Variants in MPDZ observed in about 807,000 individuals in gnomAD.
MPDZ encodes multiple PDZ domain crumbs cell polarity complex component, also known as multiple PDZ domain protein.
Under a neutral mutation model 239.1 loss-of-function variants are expected in MPDZ, and 234 were observed. The observed-to-expected ratio is 0.98, with a 90% CI of 0.88 to 1.09. The LOEUF is 1.09. Ranked by LOEUF, MPDZ falls within the 50% of genes least tolerant of loss-of-function variation. The probability of loss-of-function intolerance (pLI) is 0.00; values close to 1 mark genes in which losing one functional copy is unlikely to be tolerated. For missense variants in MPDZ, 3,175 were observed against 2,510.0 expected (o/e 1.26, Z -5.66); for synonymous variants, 1,048 against 881.3 (o/e 1.19, Z -3.35).
chr9:13,146,990 A>T (rs768407251), intron 26 of MPDZ, among the ~76,000 whole-genome samples: 2 of 152,024 alleles, frequency 1.3e-5, no homozygotes, highest in Admixed American at 6.6e-5. Context: ...ACAGTGATGA[A>T]GAGCTATACA....
intron 23 of MPDZ, 50 bp from the exon 24 acceptor site, chr9:13,158,160 G>A: frequency 1.4e-6 from 2 of 1,429,180 alleles, no homozygotes; most frequent in Non-Finnish European, 2.0e-6. Context: ...GTAAAAACAT[G>A]CAAGATTATA....
intron 3 of MPDZ, among the ~76,000 whole-genome samples, chr9:13,234,680 G>A (rs1352330866): frequency 6.6e-6 from 1 of 152,080 alleles, no homozygotes; most frequent in Non-Finnish European, 1.5e-5. Flanking sequence ...TTGGTAAACT[G>A]TTTAAACTGA....
intron 1 of MPDZ, among the ~76,000 whole-genome samples, chr9:13,252,247 C>A (rs948928060): frequency 2.0e-5 from 3 of 152,102 alleles, no homozygotes; most frequent in African/African-American, 7.2e-5. Flanking sequence ...CAACCCCCCT[C>A]AAAAACAATT....
chr9:13,162,552 G>A (rs1950606021), intron 23 of MPDZ, 139 bp downstream of exon 23: 3 of 408,792 alleles, frequency 7.3e-6, no homozygotes, highest in Non-Finnish European at 8.6e-6. Context: ...TTGAGGGAAA[G>A]GGAAGAATAT....
chr9:13,264,632 C>A (rs1464455284), intron 1 of MPDZ, among the ~76,000 whole-genome samples: 1 of 151,144 alleles, frequency 6.6e-6, no homozygotes, highest in African/African-American at 2.4e-5. Flanking sequence ...TTATTTCCTT[C>A]CCCATTAACC....
intron 3 of MPDZ, among the ~76,000 whole-genome samples, chr9:13,231,628 G>A (rs754864959): frequency 2.0e-5 from 3 of 150,750 alleles, no homozygotes; most frequent in Admixed American, 2.0e-4. Flanking sequence ...CCCCCTCCCC[G>A]CAAAAATAAA....
At chr9:13,121,318 G>A (rs566361471) in intron 38 of MPDZ, among the ~76,000 whole-genome samples, 1 of 152,118 alleles carries the variant, frequency 6.6e-6, no homozygotes, top group African/African-American at 2.4e-5. Flanking sequence ...AGGGTCACTT[G>A]GTCCCTTTCT....
intron 1 of MPDZ, among the ~76,000 whole-genome samples, chr9:13,265,905 T>G (rs1384825576): frequency 6.6e-6 from 1 of 152,182 alleles, no homozygotes; most frequent in Non-Finnish European, 1.5e-5. Flanking sequence ...ATTACAATCA[T>G]GCTGCTTCAA....
At chr9:13,107,984 A>T (rs956454860) in intron 46 of MPDZ, among the ~76,000 whole-genome samples, 3 of 152,186 alleles carry the variant, frequency 2.0e-5, no homozygotes, top group African/African-American at 7.2e-5. Context: ...ACATACCGAT[A>T]GCTTTTTTAA....
chr9:13,147,586 C>G lies in MPDZ; in HGVS notation c.3703G>C (p.Val1235Leu). The G allele has an allele frequency of 6.2e-7, 1 of 1,612,388 alleles. No individual in the cohort carries two copies. Among genetic ancestry groups the G allele is most frequent in the Non-Finnish European group, 8.5e-7 (1 of 1,178,822 alleles). Residue 1235 changes from valine to leucine, a missense_variant, in exon 26 of 47, where the codon GTA becomes CTA. Coordinates refer to ENST00000319217, the MANE Select transcript of MPDZ (RefSeq NM_001378778.1). Reference protein sequence around the residue: ...VEAIRKAGNPVVFMVQSIINR... With the variant: ...VEAIRKAGNPLVFMVQSIINR... Reference sequence around the variant, plus strand: ...ATAATGCTCTGTACCATAAAGACTACAGGGTTGCCTGCTTTCCGAATGGCT... The same window carrying G: ...ATAATGCTCTGTACCATAAAGACTAGAGGGTTGCCTGCTTTCCGAATGGCT...
chr9:13,147,770 A>G, intron 25 of MPDZ, 112 bp from the exon 26 acceptor site: 1 of 705,820 alleles, frequency 1.4e-6, no homozygotes, highest in Middle Eastern at 2.6e-4. Context: ...ATCTGTTTTA[A>G]TATCAAAAAT....
chr9:13,141,915 TC>T (rs1947753929), intron 27 of MPDZ, among the ~76,000 whole-genome samples: 1 of 152,108 alleles, frequency 6.6e-6, no homozygotes, highest in South Asian at 2.1e-4. Flanking sequence ...CTTGTTATGT[TC>T]CCAAATGCTG....
chr9:13,136,011 GT>G, intron 31 of MPDZ, 80 bp downstream of exon 31: 1 of 922,190 alleles, frequency 1.1e-6, no homozygotes. Flanking sequence ...CCCTCTCTAA[GT>G]GTTATGTAAT....
intron 41 of MPDZ, among the ~76,000 whole-genome samples, chr9:13,113,353 T>C (rs768010928): frequency 7.2e-5 from 11 of 152,154 alleles, no homozygotes; most frequent in Non-Finnish European, 1.6e-4. Flanking sequence ...GAAAGGCACA[T>C]GTGCACGGCT....
At chr9:13,146,133 A>G (rs1390330581) in intron 26 of MPDZ, among the ~76,000 whole-genome samples, 1 of 152,058 alleles carries the variant, frequency 6.6e-6, no homozygotes, top group Admixed American at 6.6e-5. Context: ...TTCTGAATGG[A>G]TAATTATTAC....
intron 23 of MPDZ, among the ~76,000 whole-genome samples, chr9:13,162,256 T>C (rs1950573937): frequency 7.4e-6 from 1 of 134,578 alleles, no homozygotes; most frequent in Admixed American, 7.4e-5. Context: ...AGAGTGAGGC[T>C]CTGCCTCAAA....
chr9:13,273,712 AATAAT>A (rs1310144832), intron 1 of MPDZ, among the ~76,000 whole-genome samples: 1 of 152,204 alleles, frequency 6.6e-6, no homozygotes, highest in African/African-American at 2.4e-5. Flanking sequence ...AATTAATTTT[AATAAT>A]ATATTTTATT....
intron 28 of MPDZ, 105 bp from the exon 29 acceptor site, chr9:13,138,258 C>T (rs1947134697): frequency 4.1e-6 from 5 of 1,207,710 alleles, no homozygotes; most frequent in Admixed American, 3.1e-5. Flanking sequence ...AGATTTTATA[C>T]CAAAATGTAC....
chr9:13,144,930 C>T (rs1948228860), intron 26 of MPDZ, among the ~76,000 whole-genome samples: 1 of 151,998 alleles, frequency 6.6e-6, no homozygotes, highest in South Asian at 2.1e-4. Flanking sequence ...TAATTCAATG[C>T]TATGGAAGGT....
Sources: allele counts gnomAD v4.1 joint callset (sites outside exome capture counted in the v4.1 genomes callset), GRCh38; gene constraint gnomAD v4.1.1; transcripts MANE v1.5; gene names NCBI Gene and HGNC (gene_info 2026-07-23, HGNC 2026-07-21).